The following CTNNA2 variants were observed in gnomAD, a reference collection of about 807,000 sequenced individuals.
CTNNA2 encodes catenin alpha 2.
In CTNNA2, 42 loss-of-function variants were observed where a neutral mutation model predicts 101.0. That is an observed-to-expected ratio of 0.42 (90% CI 0.32 to 0.54). The LOEUF is 0.54. Among genes scored for constraint, CTNNA2 ranks in the 20% least tolerant of loss-of-function variants. The pLI is 0.14. For synonymous variants in CTNNA2, 450 were observed against 456.4 expected, an observed-to-expected ratio of 0.99 and a Z score of 0.18; for missense variants, 871 against 1,223.1, an observed-to-expected ratio of 0.71 and a Z score of 4.29.
intron 3 of CTNNA2, among the ~76,000 whole-genome samples, chr2:79,355,794 G>GT (rs1384390507): frequency 6.6e-6 from 1 of 152,112 alleles, no homozygotes; most frequent in Admixed American, 6.5e-5. Flanking sequence ...TTTTAGGGTT[G>GT]AGTAACATTT....
chr2:79,979,737 T>A (rs76312188), intron 7 of CTNNA2, among the ~76,000 whole-genome samples: 1 of 151,664 alleles, frequency 6.6e-6, no homozygotes. Flanking sequence ...AAAAAAAAAA[T>A]ACTAAGATAA....
chr2:79,634,096 A>G (rs750606724), intron 1 of CTNNA2, among the ~76,000 whole-genome samples: 2 of 152,240 alleles, frequency 1.3e-5, no homozygotes, highest in Non-Finnish European at 2.9e-5. Flanking sequence ...TTTCAGATGA[A>G]GCAGGTGATT....
intron 2 of CTNNA2, among the ~76,000 whole-genome samples, chr2:79,279,517 C>A (rs4566392): frequency 0.081 from 12,377 of 152,166 alleles, 619 homozygotes; most frequent in South Asian, 0.12. Context: ...CAGGATGTAA[C>A]AAATGAGCTG....
At chr2:79,494,573 C>G (rs1459188961) in intron 4 of CTNNA2, among the ~76,000 whole-genome samples, 1 of 151,982 alleles carries the variant, frequency 6.6e-6, no homozygotes. Flanking sequence ...ATTTTTTCAA[C>G]AAATGTTACT....
intron 1 of CTNNA2, among the ~76,000 whole-genome samples, chr2:79,593,837 T>C (rs2104004941): frequency 6.6e-6 from 1 of 151,834 alleles, no homozygotes; most frequent in Non-Finnish European, 1.5e-5. Context: ...TGCTAACACA[T>C]GGTCTTCAGT....
rs1391162145 is a variant in CTNNA2 at position 79,705,759 on chromosome 2, T to C, written c.103-38628T>C. On this transcript the variant is annotated intron_variant, in intron 2 of 18. Transcript: ENST00000402739. ...GTAAATATTAAAAAATAATACTTGG[T>C]ACTGCATTGCATGGGCTTCATTGCA... Among the ~76,000 whole-genome samples the C allele has an allele frequency of 2.6e-5, 4 of 152,248 alleles. 1 individual carries two copies. The South Asian group carries it at 8.3e-4, about 31-fold the overall frequency.
chr2:79,231,854 C>T (rs1298581925), intron 2 of CTNNA2, among the ~76,000 whole-genome samples: 1 of 152,112 alleles, frequency 6.6e-6, no homozygotes, highest in African/African-American at 2.4e-5. Context: ...CTTTGATTCT[C>T]ATCTAGAATG....
In CTNNA2 at chr2:79,755,142, T is replaced by C. The variant is rs180849619; in HGVS notation, c.298+10560T>C. ...GTAGTTCAAACCAGCCTGGGCAAGA[T>C]AGCAAGACCCCCATCTCTACAAAAA... On this transcript the variant is annotated intron_variant, in intron 3 of 18. Coordinates refer to ENST00000402739, the MANE Select transcript of CTNNA2 (RefSeq NM_001282597.3). 4.7e-3 allele frequency among the ~76,000 whole-genome samples: 720 copies of C among 152,060 alleles called. 2 individuals are homozygous for C. The highest frequency in any genetic ancestry group is 6.9e-3 in the Non-Finnish European group (469 of 67,976).
At chr2:79,498,605 C>T (rs182420081) in intron 4 of CTNNA2, among the ~76,000 whole-genome samples, 1,555 of 152,206 alleles carry the variant, frequency 0.01, 9 homozygotes, top group Non-Finnish European at 0.015. Context: ...AAAAAAAAAC[C>T]CTTAGGTACA....
Position 79,232,552 on chromosome 2 carries a change from CAGAA to C in CTNNA2, c.-406+34477_-406+34480del, listed in dbSNP as rs1317903543. ...TGCTATCAGAATGATGCTGGCTTTA[CAGAA>C]TGAATTAGGGAGAAACCCCTCCCTA... On this transcript the variant is annotated intron_variant, in intron 2 of 21. Transcript: ENST00000466387. 4.8e-4 allele frequency among the ~76,000 whole-genome samples: 73 copies of C among 152,246 alleles called. No homozygotes were observed. In the East Asian group the frequency reaches 0.014, roughly 28 times the overall value.
At chr2:79,895,023 C>T (rs1209441900) in intron 6 of CTNNA2, among the ~76,000 whole-genome samples, 1 of 152,188 alleles carries the variant, frequency 6.6e-6, no homozygotes, top group East Asian at 1.9e-4. Flanking sequence ...CATGATCATG[C>T]TATTATGTTC....
At chr2:80,606,038 G>A (rs1697973125) in intron 16 of CTNNA2, among the ~76,000 whole-genome samples, 1 of 151,716 alleles carries the variant, frequency 6.6e-6, no homozygotes, top group African/African-American at 2.4e-5. Context: ...TTGAAAGTAT[G>A]CATACAAAAA....
intron 3 of CTNNA2, among the ~76,000 whole-genome samples, chr2:79,353,321 G>A (rs1008268419): frequency 6.6e-6 from 1 of 152,128 alleles, no homozygotes; most frequent in Non-Finnish European, 1.5e-5. Context: ...TTGACATTGA[G>A]TTCTATTTTT....
chr2:79,971,702 T>C (rs1448055006), intron 7 of CTNNA2, among the ~76,000 whole-genome samples: 1 of 152,240 alleles, frequency 6.6e-6, no homozygotes, highest in South Asian at 2.1e-4. Context: ...AAATATGTGA[T>C]ACTTAATGGT....
chr2:79,508,994 T>A (rs1671476225), upstream of CTNNA2, among the ~76,000 whole-genome samples: 1 of 66,898 alleles, frequency 1.5e-5, no homozygotes, highest in African/African-American at 5.4e-5. Context: ...TATATATATA[T>A]ATATATATAT....
intron 12 of CTNNA2, among the ~76,000 whole-genome samples, chr2:80,559,878 T>TATCTATCTATCTATCTATA (rs1693393440): frequency 1.7e-4 from 19 of 114,002 alleles, no homozygotes; most frequent in African/African-American, 5.7e-4. Flanking sequence ...GATATCATAT[T>TATCTATCTATCTATCTATA]TATATATATA....
intron 4 of CTNNA2, among the ~76,000 whole-genome samples, chr2:79,385,579 A>G (rs1678089742): frequency 6.6e-6 from 1 of 151,574 alleles, no homozygotes; most frequent in Non-Finnish European, 1.5e-5. Context: ...GGTTTGTTAC[A>G]TAGCTATATA....
intron 2 of CTNNA2, among the ~76,000 whole-genome samples, chr2:79,307,749 C>A (rs1676279670): frequency 6.6e-6 from 1 of 152,164 alleles, no homozygotes; most frequent in South Asian, 2.1e-4. Flanking sequence ...AGTGGGATTG[C>A]TGAAGCATAT....
In CTNNA2 at chr2:79,548,960, T is replaced by C. The variant is rs1268361110; in HGVS notation, c.-6+35753T>C. Among the ~76,000 whole-genome samples, 5 of 152,258 alleles carry C rather than the reference T, an allele frequency of 3.3e-5. No individual in the cohort carries two copies. The South Asian group carries it at 8.3e-4, about 25-fold the overall frequency. On this transcript the variant is annotated intron_variant, in intron 1 of 18. Transcript: ENST00000402739. ...CCCTGTCTGATGCTGCCAACCCACA[T>C]AGAAATGTCTTTCAAATAAAAGGCT...
Sources: allele counts gnomAD v4.1 joint callset (sites outside exome capture counted in the v4.1 genomes callset), GRCh38; gene constraint gnomAD v4.1.1; transcripts MANE v1.5; gene names NCBI Gene and HGNC (gene_info 2026-07-23, HGNC 2026-07-21).